Variants in TRHDE observed in about 807,000 individuals in gnomAD.
The protein encoded by TRHDE is thyrotropin releasing hormone degrading enzyme.
A neutral mutation model predicts 125.7 loss-of-function variants in TRHDE; 72 were observed. The observed-to-expected ratio is 0.57, with a 90% confidence interval of 0.47 to 0.70. TRHDE has a LOEUF of 0.70. Ranked by LOEUF, TRHDE falls within the 30% of genes least tolerant of loss-of-function variation. The pLI, the probability that TRHDE is intolerant of heterozygous loss-of-function variation, is 0.00. For synonymous variants in TRHDE, 509 were observed against 509.1 expected, an observed-to-expected ratio of 1.00 and a Z score of 0.00; for missense variants, 1,110 against 1,327.1, an observed-to-expected ratio of 0.84 and a Z score of 2.54.
At chr12:72,220,641 G>A (rs979936935) in intron 2 of TRHDE, among the ~76,000 whole-genome samples, 1 of 151,902 alleles carries the variant, frequency 6.6e-6, no homozygotes, top group Non-Finnish European at 1.5e-5. Context: ...TCACTCAAAG[G>A]TTACTCCCAT....
At chr12:72,591,632 GTTT>G (rs71071842) in intron 12 of TRHDE, among the ~76,000 whole-genome samples, 3 of 125,440 alleles carry the variant, frequency 2.4e-5, no homozygotes, top group Non-Finnish European at 3.3e-5. Flanking sequence ...AAGGATATGG[GTTT>G]TTTTTTTTTT....
chr12:72,458,516 C>T (rs760136047), intron 3 of TRHDE, among the ~76,000 whole-genome samples: 8 of 152,098 alleles, frequency 5.3e-5, no homozygotes, highest in Non-Finnish European at 8.8e-5. Context: ...CAGCATTGGT[C>T]ATGGTCTCCT....
intron 6 of TRHDE, among the ~76,000 whole-genome samples, chr12:72,517,405 CT>C (rs1347650727): frequency 6.6e-6 from 1 of 152,176 alleles, no homozygotes; most frequent in Non-Finnish European, 1.5e-5. Flanking sequence ...TTATCCATTT[CT>C]TCTAGATTTT....
In TRHDE at chr12:72,387,498, T is replaced by C. The variant is rs376082140; in HGVS notation, c.1315+9377T>C. 3.9e-5 allele frequency among the ~76,000 whole-genome samples: 6 copies of C among 152,236 alleles called. No homozygotes were observed. The South Asian group carries it at 1.2e-3, about 32-fold the overall frequency. On this transcript the variant is annotated intron_variant, in intron 3 of 18. Coordinates refer to ENST00000261180, the MANE Select transcript of TRHDE (RefSeq NM_013381.3). ...GGTCAAGAGTTCAACCTAAATAAAA[T>C]TTGAAGTTAAAGAGTTAATTTACAG... is the stretch of plus-strand genomic sequence containing the variant.
At chr12:72,619,785 G>A (rs537352141) in intron 13 of TRHDE, among the ~76,000 whole-genome samples, 1 of 152,162 alleles carries the variant, frequency 6.6e-6, no homozygotes, top group East Asian at 1.9e-4. Flanking sequence ...TAGCGTAAGA[G>A]CCTGCCCTGT....
chr12:72,625,099 G>T (rs1043804170), intron 15 of TRHDE, among the ~76,000 whole-genome samples: 1 of 151,840 alleles, frequency 6.6e-6, no homozygotes, highest in Non-Finnish European at 1.5e-5. Context: ...TACTGCAGAT[G>T]AACTGTTATT....
At chr12:72,456,504 A>G (rs1002844607) in intron 3 of TRHDE, among the ~76,000 whole-genome samples, 4 of 152,150 alleles carry the variant, frequency 2.6e-5, no homozygotes, top group African/African-American at 9.7e-5. Flanking sequence ...AAAACAAATA[A>G]TGAGGAAGGT....
intron 2 of TRHDE, among the ~76,000 whole-genome samples, chr12:72,319,677 T>A (rs1288612095): frequency 6.6e-6 from 1 of 152,204 alleles, no homozygotes; most frequent in Non-Finnish European, 1.5e-5. Context: ...GCAGGATTGC[T>A]TTTTACTGAA....
At chr12:72,175,467 G>A (rs992496308) in intron 2 of TRHDE, among the ~76,000 whole-genome samples, 1 of 152,168 alleles carries the variant, frequency 6.6e-6, no homozygotes. Context: ...AGTGGTAGCA[G>A]GTAGATATCA....
In TRHDE at chr12:72,239,018, A is replaced by G. The variant is rs182429610; in HGVS notation, n.279+133266A>G. ...TTTACACTCCCCCCAACAGTGTAAA[A>G]GCATTCCTATTTCTCCACATCCTCT... On this transcript the variant is annotated intron_variant and non_coding_transcript_variant, in intron 2 of 4. Transcript: ENST00000548156. Among the ~76,000 whole-genome samples, 621 of 152,332 alleles carry G rather than the reference A, an allele frequency of 4.1e-3. 4 individuals are homozygous for G. The highest frequency in any genetic ancestry group is 6.9e-3 in the Non-Finnish European group (467 of 68,032).
intron 5 of TRHDE, among the ~76,000 whole-genome samples, chr12:72,477,467 C>A (rs1187120990): frequency 6.6e-6 from 1 of 152,112 alleles, no homozygotes; most frequent in African/African-American, 2.4e-5. Context: ...TAGAAACGAC[C>A]TCCTCAGCTT....
chr12:72,250,244 G>A (rs1878651271), intron 2 of TRHDE, among the ~76,000 whole-genome samples: 1 of 152,076 alleles, frequency 6.6e-6, no homozygotes, highest in African/African-American at 2.4e-5. Context: ...TTGTCAACAT[G>A]GCATTAAACT....
intron 3 of TRHDE, among the ~76,000 whole-genome samples, chr12:72,415,318 T>C (rs1036478675): frequency 4.6e-5 from 7 of 152,130 alleles, no homozygotes. Context: ...CAATGTGTAA[T>C]AGGAAAATCA....
intron 6 of TRHDE, among the ~76,000 whole-genome samples, chr12:72,509,274 C>A (rs889580622): frequency 3.3e-5 from 5 of 151,830 alleles, no homozygotes; most frequent in African/African-American, 1.2e-4. Flanking sequence ...ACCACCGCAC[C>A]CCCCCGCACA....
intron 6 of TRHDE, among the ~76,000 whole-genome samples, chr12:72,521,680 A>T (rs904777318): frequency 6.6e-6 from 1 of 152,194 alleles, no homozygotes; most frequent in Non-Finnish European, 1.5e-5. Flanking sequence ...AACCAGCTGA[A>T]TATCTGTGTT....
intron 6 of TRHDE, among the ~76,000 whole-genome samples, chr12:72,526,594 A>G (rs1868342517): frequency 6.6e-6 from 1 of 152,156 alleles, no homozygotes. Context: ...ATACCCTGCA[A>G]ACAAATTTTC....
chr12:72,637,200 A>G (rs1873797356), intron 15 of TRHDE, among the ~76,000 whole-genome samples: 1 of 152,134 alleles, frequency 6.6e-6, no homozygotes, highest in African/African-American at 2.4e-5. Flanking sequence ...TGGTCTATTC[A>G]GAGATTCAAC....
At chr12:72,296,802 G>A (rs932935437) in intron 2 of TRHDE, among the ~76,000 whole-genome samples, 1 of 152,142 alleles carries the variant, frequency 6.6e-6, no homozygotes, top group Non-Finnish European at 1.5e-5. Context: ...AGTGTGGTAG[G>A]AGCAGAGCCA....
chr12:72,609,016 CAT>C (rs560404145), intron 12 of TRHDE, among the ~76,000 whole-genome samples: 1 of 152,116 alleles, frequency 6.6e-6, no homozygotes, highest in Non-Finnish European at 1.5e-5. Flanking sequence ...GATTTAGTCA[CAT>C]AGTGTATGCA....
Sources: allele counts gnomAD v4.1 joint callset (sites outside exome capture counted in the v4.1 genomes callset), GRCh38; gene constraint gnomAD v4.1.1; transcripts MANE v1.5; gene names NCBI Gene and HGNC (gene_info 2026-07-23, HGNC 2026-07-21).